The following MYO3B variants were observed in gnomAD, a reference collection of about 807,000 sequenced individuals.
MYO3B encodes myosin IIIB.
MYO3B carries 156 observed loss-of-function variants against 174.6 expected under a neutral mutation model. The ratio of observed to expected loss-of-function variants is 0.89; its 90% CI spans 0.78 to 1.02. MYO3B has a LOEUF of 1.02. MYO3B is among the 50% of genes least tolerant of loss of function. The probability of loss-of-function intolerance (pLI) is 0.00; values close to 1 mark genes in which losing one functional copy is unlikely to be tolerated. For missense variants in MYO3B, 1,632 were observed against 1,639.4 expected (o/e 1.00, Z 0.08); for synonymous variants, 563 against 569.1 (o/e 0.99, Z 0.15).
chr2:170,247,306 A>G (rs1262741750), intron 7 of MYO3B, among the ~76,000 whole-genome samples: 1 of 143,380 alleles, frequency 7.0e-6, no homozygotes, highest in Non-Finnish European at 1.6e-5. Flanking sequence ...AGGATTTCCA[A>G]GAAGATTCAG....
At chr2:170,371,315 A>G (rs746045073) in intron 9 of MYO3B, among the ~76,000 whole-genome samples, 10 of 149,702 alleles carry the variant, frequency 6.7e-5, no homozygotes, top group Non-Finnish European at 1.0e-4. Flanking sequence ...ATTTCTCTTT[A>G]TCTTTGTTAA....
intron 7 of MYO3B, among the ~76,000 whole-genome samples, chr2:170,245,608 C>G (rs774484143): frequency 2.6e-5 from 4 of 152,200 alleles, no homozygotes; most frequent in African/African-American, 7.2e-5. Context: ...ATCATTTCAC[C>G]TTTCAGAGGG....
chr2:170,202,269 CA>C (rs1205460822), intron 3 of MYO3B, among the ~76,000 whole-genome samples: 2 of 152,162 alleles, frequency 1.3e-5, no homozygotes, highest in Non-Finnish European at 2.9e-5. Flanking sequence ...CTCTGCAATA[CA>C]ATATGCTGTC....
chr2:170,284,867 T>C (rs1405109990), intron 7 of MYO3B, among the ~76,000 whole-genome samples: 1 of 152,226 alleles, frequency 6.6e-6, no homozygotes, highest in African/African-American at 2.4e-5. Flanking sequence ...ATTTTTCTTA[T>C]GCATTTTAAA....
rs766306117 is a variant in MYO3B, at chr2:170,519,486, A to G, written c.3521A>G (p.Asn1174Ser). Residue 1174 changes from asparagine (N) to serine (S), a missense_variant, in exon 30 of 35, where the codon AAC becomes AGC. Physicochemically the swap from Asn to Ser is conservative, Grantham distance 46. Transcript: ENST00000408978. ...HRRSHSQAES[N>S]NGRTQTSSNS... Reference sequence around the variant, plus strand: ...AGGAGCCATTCACAAGCAGAATCCAACAATGGCCGTACACAGACTTCAAGC... The same window carrying G: ...AGGAGCCATTCACAAGCAGAATCCAGCAATGGCCGTACACAGACTTCAAGC... The G allele has an allele frequency of 9.3e-6, 15 of 1,613,900 alleles. No individual in the cohort carries two copies. In the East Asian group the frequency reaches 3.3e-4, roughly 36 times the overall value.
intron 32 of MYO3B, among the ~76,000 whole-genome samples, chr2:170,630,582 G>C (rs563128967): frequency 1.3e-5 from 2 of 152,326 alleles, no homozygotes; most frequent in East Asian, 3.9e-4. Flanking sequence ...TCTGAGAACA[G>C]ATAGCCTGCC....
At chr2:170,458,306 A>G (rs1310754448) in intron 23 of MYO3B, among the ~76,000 whole-genome samples, 1 of 152,212 alleles carries the variant, frequency 6.6e-6, no homozygotes, top group Non-Finnish European at 1.5e-5. Context: ...TAGTATATAC[A>G]GTTTACCATT....
At chr2:170,622,814 C>T (rs1315444944) in intron 32 of MYO3B, among the ~76,000 whole-genome samples, 2 of 137,024 alleles carry the variant, frequency 1.5e-5, no homozygotes, top group African/African-American at 2.6e-5. Flanking sequence ...TGAGTGAGAA[C>T]ATGCGGTGTT....
At chr2:170,264,594 G>A (rs1050725541) in intron 7 of MYO3B, among the ~76,000 whole-genome samples, 5 of 152,138 alleles carry the variant, frequency 3.3e-5, no homozygotes, top group Admixed American at 2.0e-4. Context: ...GTGTGATTTC[G>A]GATGAGTTAT....
chr2:170,345,507 A>G (rs2094009156), intron 8 of MYO3B, among the ~76,000 whole-genome samples: 1 of 152,124 alleles, frequency 6.6e-6, no homozygotes, highest in Non-Finnish European at 1.5e-5. Context: ...ATGAAGGGCT[A>G]TTTAATGATT....
chr2:170,178,904 T>G (rs2092364378), intron 1 of MYO3B, among the ~76,000 whole-genome samples: 1 of 152,214 alleles, frequency 6.6e-6, no homozygotes, highest in Non-Finnish European at 1.5e-5. Flanking sequence ...TTTGGTAACA[T>G]GACAATGTAA....
At chr2:170,274,877 TG>T (rs2105377542) in intron 7 of MYO3B, among the ~76,000 whole-genome samples, 1 of 152,324 alleles carries the variant, frequency 6.6e-6, no homozygotes, top group African/African-American at 2.4e-5. Context: ...TAACTTTTTT[TG>T]CATCATTTTA....
intron 25 of MYO3B, among the ~76,000 whole-genome samples, chr2:170,471,438 G>A (rs1011900045): frequency 1.3e-5 from 2 of 151,980 alleles, no homozygotes; most frequent in African/African-American, 4.8e-5. Flanking sequence ...TTTGTTGCTC[G>A]TACTTTTGGT....
At chr2:170,572,951 ACT>A in intron 32 of MYO3B, among the ~76,000 whole-genome samples, 1 of 151,780 alleles carries the variant, frequency 6.6e-6, no homozygotes, top group East Asian at 1.9e-4. Context: ...CATTGTATAA[ACT>A]CTAATCTCCC....
intron 9 of MYO3B, among the ~76,000 whole-genome samples, chr2:170,374,632 T>G (rs1054142101): frequency 1.3e-5 from 2 of 152,170 alleles, no homozygotes; most frequent in South Asian, 2.1e-4. Context: ...TTGGAGGGCT[T>G]GAATTTGTAA....
At position 170,383,728 on chromosome 2, in the gene MYO3B, G is replaced by T. The variant is rs750743615; in HGVS notation, c.1204G>T (p.Gly402Trp). The change falls in exon 12 of 35, where the codon GGG (glycine) becomes TGG (tryptophan). Residue 402 changes from glycine (G) to tryptophan (W), a missense_variant. Gly to Trp is a radical substitution (Grantham distance 184). Coordinates refer to ENST00000408978, the MANE Select transcript of MYO3B (RefSeq NM_138995.5). ...CCTTCAGTTTTCCAGACTTTATCAT[G>T]GGGTGAAACGCGCCTCCAATCCCCC... The part of the protein sequence containing the change: ...YSPQFSRLYH[G>W]VKRASNPPHI... 6.2e-7 allele frequency: 1 copy of T among 1,613,454 alleles called. No individual in the cohort carries two copies. Among genetic ancestry groups the T allele is most frequent in the South Asian group, 1.1e-5 (1 of 91,056 alleles).
intron 20 of MYO3B, 98 bp downstream of exon 20, chr2:170,404,498 G>T: frequency 8.0e-7 from 1 of 1,248,122 alleles, no homozygotes; most frequent in Non-Finnish European, 1.1e-6. Context: ...TACATATTTT[G>T]TTTATATGGT....
intron 32 of MYO3B, chr2:170,646,863 T>TTCAGTATTTCGTTTTCTAACTATATTTC: frequency 8.1e-7 from 1 of 1,235,728 alleles, no homozygotes; most frequent in African/African-American, 1.5e-5. Flanking sequence ...TTCAACATTT[T>TTCAGTATTTCGTTTTCTAACTATATTTC]TCAGTATCTC....
At chr2:170,187,468 G>C (rs940921025) in intron 1 of MYO3B, among the ~76,000 whole-genome samples, 7 of 152,224 alleles carry the variant, frequency 4.6e-5, no homozygotes, top group African/African-American at 1.4e-4. Context: ...TTGACCTCAA[G>C]TGACCTGCCT....
Sources: allele counts gnomAD v4.1 joint callset (sites outside exome capture counted in the v4.1 genomes callset), GRCh38; gene constraint gnomAD v4.1.1; transcripts MANE v1.5; gene names NCBI Gene and HGNC (gene_info 2026-07-23, HGNC 2026-07-21).